Variants in CADPS observed in about 807,000 individuals in gnomAD.
The protein encoded by CADPS is calcium-dependent secretion activator 1.
Under a neutral mutation model 167.3 loss-of-function variants are expected in CADPS, and 57 were observed. That is an observed-to-expected ratio of 0.34 (90% confidence interval 0.28 to 0.42). CADPS has a LOEUF of 0.42. Ranked by LOEUF, CADPS falls within the 20% of genes least tolerant of loss-of-function variation. The probability of loss-of-function intolerance (pLI) is 1.00; values close to 1 mark genes in which losing one functional copy is unlikely to be tolerated. For missense variants in CADPS, 1,414 were observed against 1,738.1 expected (o/e 0.81, Z 3.32); for synonymous variants, 676 against 635.3 (o/e 1.06, Z -0.96).
chr3:62,626,643 A>C (rs759862134), intron 6 of CADPS: 2 of 690,444 alleles, frequency 2.9e-6, no homozygotes, highest in Non-Finnish European at 5.3e-6. Context: ...TGTACAAAGA[A>C]GGCAATTTTG....
intron 1 of CADPS, among the ~76,000 whole-genome samples, chr3:62,841,068 T>C (rs762314709): frequency 1.3e-5 from 2 of 152,192 alleles, no homozygotes; most frequent in African/African-American, 4.8e-5. Flanking sequence ...CCATTCCCCA[T>C]TTCCAGGCAG....
chr3:62,508,489 G>A (rs1007387801), intron 17 of CADPS, among the ~76,000 whole-genome samples: 1 of 152,306 alleles, frequency 6.6e-6, no homozygotes, highest in Non-Finnish European at 1.5e-5. Flanking sequence ...CCTTGGGGGA[G>A]TGACTTAACA....
intron 3 of CADPS, among the ~76,000 whole-genome samples, chr3:62,710,486 T>C (rs746820976): frequency 6.6e-6 from 1 of 152,136 alleles, no homozygotes; most frequent in Non-Finnish European, 1.5e-5. Context: ...ATCTTAAATA[T>C]ATAGGTCAAT....
Position 62,399,647 on chromosome 3 carries a change from G to T in CADPS, c.3883-62C>A. 1.4e-6 allele frequency: 2 copies of T among 1,420,288 alleles called. No homozygotes were observed. The highest frequency in any genetic ancestry group is 9.8e-7 in the Non-Finnish European group (1 of 1,015,790). 88.0% of individuals were successfully genotyped at this position (1,420,288 alleles called of 1,614,324 possible). A position where few individuals can be genotyped will look rare whatever the true frequency, so the allele number is the denominator to read the frequency against. ...CATCTCCATGATGGGGAGGGAGAAG[G>T]TAAAAGCAGGTGTGGGTGGGAGAGC... is the stretch of plus-strand genomic sequence containing the variant. On this transcript the variant is annotated intron_variant, in intron 29 of 29. Transcript: ENST00000383710. The surrounding 1 kb of genome is among the most constrained non-coding windows in gnomAD (Gnocchi z 5.6).
chr3:62,730,199 G>A (rs2077504865), intron 3 of CADPS, among the ~76,000 whole-genome samples: 1 of 152,056 alleles, frequency 6.6e-6, no homozygotes, highest in Non-Finnish European at 1.5e-5. Flanking sequence ...CCTGACTGAC[G>A]TCACATTCCT....
chr3:62,561,316 A>G (rs2079112984), intron 9 of CADPS, among the ~76,000 whole-genome samples: 1 of 152,090 alleles, frequency 6.6e-6, no homozygotes, highest in African/African-American at 2.4e-5. Context: ...GCAGTGACAC[A>G]AACATGGCTC....
At chr3:62,549,439 T>C (rs1237356827) in intron 11 of CADPS, among the ~76,000 whole-genome samples, 2 of 115,788 alleles carry the variant, frequency 1.7e-5, no homozygotes, top group East Asian at 5.7e-4. Flanking sequence ...TTAGGTACCA[T>C]GTTTTGTGTT....
intron 3 of CADPS, among the ~76,000 whole-genome samples, chr3:62,664,227 C>A (rs1298942008): frequency 6.6e-6 from 1 of 152,142 alleles, no homozygotes; most frequent in African/African-American, 2.4e-5. Context: ...GACTGGTCTG[C>A]GAACTCCTGA....
intron 6 of CADPS, among the ~76,000 whole-genome samples, chr3:62,617,395 T>C (rs1178613455): frequency 6.6e-6 from 1 of 152,162 alleles, no homozygotes; most frequent in Non-Finnish European, 1.5e-5. Context: ...GATGGGAAGT[T>C]GAAAGCAATT....
chr3:62,405,446 A>AG (rs1459273051), intron 28 of CADPS, among the ~76,000 whole-genome samples: 20 of 82,720 alleles, frequency 2.4e-4, no homozygotes, highest in African/African-American at 6.4e-4. Flanking sequence ...GCCACCTTTC[A>AG]GGAAAAAAAA....
intron 17 of CADPS, among the ~76,000 whole-genome samples, chr3:62,510,191 C>CATCTACCTATCT (rs1553853782): frequency 6.7e-6 from 1 of 148,266 alleles, no homozygotes; most frequent in Non-Finnish European, 1.5e-5. Flanking sequence ...CCTATTTCTG[C>CATCTACCTATCT]ATCTATCTAT....
At chr3:62,484,289 T>C (rs1001845426) in intron 21 of CADPS, among the ~76,000 whole-genome samples, 1 of 152,154 alleles carries the variant, frequency 6.6e-6, no homozygotes, top group Non-Finnish European at 1.5e-5. Flanking sequence ...ATTAATAACA[T>C]AAAGAATCAA....
chr3:62,609,535 G>A (rs1275767787), intron 6 of CADPS, among the ~76,000 whole-genome samples: 1 of 152,158 alleles, frequency 6.6e-6, no homozygotes, highest in East Asian at 1.9e-4. Context: ...TAGTTAGATG[G>A]CCTCATTTGA....
rs1335809606 is a variant in CADPS, at chr3:62,741,826, G to T, written c.888+11615C>A. ...GAGCATCCAAATAGGAAGAGAGGAA[G>T]TCAAACTATCCCTGTTTGCAGATGA... On this transcript the variant is annotated intron_variant, in intron 3 of 29. Transcript: ENST00000383710. 1.2e-4 allele frequency among the ~76,000 whole-genome samples: 19 copies of T among 152,160 alleles called. 1 individual carries two copies. Among genetic ancestry groups the T allele is most frequent in the Admixed American group, 1.2e-3 (19 of 15,272 alleles).
intron 28 of CADPS, among the ~76,000 whole-genome samples, chr3:62,427,125 G>A (rs1160005948): frequency 1.3e-5 from 2 of 151,852 alleles, no homozygotes; most frequent in Non-Finnish European, 2.9e-5. Context: ...GTAGAAGGAG[G>A]CTGTAGTGAC....
chr3:62,663,662 C>T (rs923323130), intron 3 of CADPS, among the ~76,000 whole-genome samples: 1 of 146,230 alleles, frequency 6.8e-6, no homozygotes, highest in Non-Finnish European at 1.5e-5. Flanking sequence ...AATGATATAG[C>T]AAATAAGTTA....
At chr3:62,518,676 C>T (rs1444958797) in intron 13 of CADPS, among the ~76,000 whole-genome samples, 5 of 152,136 alleles carry the variant, frequency 3.3e-5, no homozygotes, top group Non-Finnish European at 7.4e-5. Flanking sequence ...CAGCTTCTTC[C>T]TTACCTGGGA....
chr3:62,703,932 A>G (rs1367034461), intron 3 of CADPS, among the ~76,000 whole-genome samples: 2 of 152,154 alleles, frequency 1.3e-5, no homozygotes, highest in African/African-American at 4.8e-5. Flanking sequence ...TAGGGTGTCC[A>G]CAAATGAATT....
At chr3:62,503,930 T>C (rs2066191640) in intron 17 of CADPS, among the ~76,000 whole-genome samples, 2 of 152,168 alleles carry the variant, frequency 1.3e-5, no homozygotes, top group African/African-American at 4.8e-5. Flanking sequence ...TATAAAGCAA[T>C]CTGTATGGTG....
Sources: allele counts gnomAD v4.1 joint callset (sites outside exome capture counted in the v4.1 genomes callset), GRCh38; gene constraint gnomAD v4.1.1; non-coding constraint Gnocchi (gnomAD v3.1); transcripts MANE v1.5; gene names NCBI Gene and HGNC (gene_info 2026-07-23, HGNC 2026-07-21).